GLI3: variants seen among roughly 807,000 people sequenced by gnomAD.
GLI3 encodes GLI family zinc finger 3, also known as transcription activator GLI3.
A neutral mutation model predicts 100.8 loss-of-function variants in GLI3; 20 were observed. That is an observed-to-expected ratio of 0.20 (90% confidence interval 0.14 to 0.29). The LOEUF is 0.29. Among genes scored for constraint, GLI3 ranks in the 10% least tolerant of loss-of-function variants. The pLI is 1.00. For missense variants in GLI3, 2,040 were observed against 2,128.5 expected, an observed-to-expected ratio of 0.96 and a Z score of 0.82; for synonymous variants, 938 against 860.5, an observed-to-expected ratio of 1.09 and a Z score of -1.58.
At chr7:42,124,915 T>C (rs957874959) in intron 3 of GLI3, among the ~76,000 whole-genome samples, 2 of 152,192 alleles carry the variant, frequency 1.3e-5, no homozygotes, top group East Asian at 1.9e-4. Flanking sequence ...GCTCAAAGAA[T>C]GTATTTTTAA....
chr7:42,246,181 T>C (rs1019016949), intron 1 of GLI3, among the ~76,000 whole-genome samples: 1 of 152,222 alleles, frequency 6.6e-6, no homozygotes, highest in Admixed American at 6.5e-5. Context: ...AAACACACGA[T>C]AACATGCTGC....
chr7:42,088,360 C>T (rs1476963070), intron 3 of GLI3, among the ~76,000 whole-genome samples: 3 of 152,236 alleles, frequency 2.0e-5, no homozygotes, highest in Non-Finnish European at 2.9e-5. Flanking sequence ...CTCCAAGCTC[C>T]ACTCTCTGAA....
At chr7:42,148,531 G>C in intron 2 of GLI3, 63 bp from the exon 3 acceptor site, 2 of 1,443,980 alleles carry the variant, frequency 1.4e-6, no homozygotes, top group South Asian at 1.1e-5. Flanking sequence ...AAAAAACCAT[G>C]ATCAATTAGG....
intron 4 of GLI3, among the ~76,000 whole-genome samples, chr7:42,063,666 A>T (rs80279171): frequency 2.4e-3 from 370 of 152,340 alleles, no homozygotes; most frequent in African/African-American, 8.3e-3. Flanking sequence ...TAGATGATTT[A>T]AATATGGGGA....
chr7:42,235,422 G>A (rs909645814), intron 1 of GLI3, among the ~76,000 whole-genome samples: 1 of 152,146 alleles, frequency 6.6e-6, no homozygotes, highest in Admixed American at 6.5e-5. Context: ...CAGACGGCCA[G>A]GGTGCAGGCC....
intron 2 of GLI3, among the ~76,000 whole-genome samples, chr7:42,162,239 C>A (rs1216252762): frequency 1.3e-5 from 2 of 152,120 alleles, no homozygotes; most frequent in African/African-American, 2.4e-5. Context: ...GAGGTTTGAA[C>A]AAGAATTGGT....
At chr7:42,030,962 G>A (rs1403141885) in intron 7 of GLI3, among the ~76,000 whole-genome samples, 7 of 151,792 alleles carry the variant, frequency 4.6e-5, no homozygotes, top group East Asian at 1.9e-4. Context: ...CAAGTGATCC[G>A]GCCGCCTCGG....
intron 4 of GLI3, among the ~76,000 whole-genome samples, chr7:42,061,343 C>G (rs1784565580): frequency 6.6e-6 from 1 of 152,098 alleles, no homozygotes. Context: ...ATATTAGTAT[C>G]ATCATCATCC....
intron 2 of GLI3, among the ~76,000 whole-genome samples, chr7:42,167,928 C>G (rs2128674704): frequency 6.6e-6 from 1 of 152,350 alleles, no homozygotes; most frequent in South Asian, 2.1e-4. Flanking sequence ...AAACTCAACT[C>G]ATGCATGCAC....
chr7:42,174,898 G>C lies in GLI3; in HGVS notation c.125-26430C>G, dbSNP rs912853430. On this transcript the variant is annotated intron_variant, in intron 2 of 14. Transcript: ENST00000395925. ...GTGGAAACAGCAGTGGGCTTGCCGG[G>C]AGGATTAAGTGAGGATGCGCAGGGG... Among the ~76,000 whole-genome samples, 4 of 152,190 alleles carry C rather than the reference G, an allele frequency of 2.6e-5. No individual in the cohort carries two copies. In the East Asian group the frequency reaches 7.7e-4, roughly 29 times the overall value.
chr7:42,148,525 A>C (rs1274197695), intron 2 of GLI3, 57 bp from the exon 3 acceptor site: 1 of 1,500,576 alleles, frequency 6.7e-7, no homozygotes, highest in East Asian at 2.3e-5. Context: ...GCAATTAAAA[A>C]ACCATGATCA....
chr7:42,139,167 T>G (rs1004883669), intron 3 of GLI3, among the ~76,000 whole-genome samples: 2 of 151,942 alleles, frequency 1.3e-5, no homozygotes, highest in Non-Finnish European at 2.9e-5. Context: ...AAAATAAAAC[T>G]CAATGCTTTT....
intron 2 of GLI3, among the ~76,000 whole-genome samples, chr7:42,155,277 T>A (rs930510474): frequency 4.0e-5 from 6 of 151,744 alleles, no homozygotes; most frequent in African/African-American, 1.5e-4. Flanking sequence ...CCATCTCTAC[T>A]AAAAAAACAA....
At chr7:42,140,562 T>A (rs1451437096) in intron 3 of GLI3, among the ~76,000 whole-genome samples, 1 of 152,156 alleles carries the variant, frequency 6.6e-6, no homozygotes, top group African/African-American at 2.4e-5. Context: ...GGAAGTTGGA[T>A]CCTTTTCAAA....
chr7:42,255,278 C>T (rs916266200), intron 1 of GLI3, among the ~76,000 whole-genome samples: 4 of 152,158 alleles, frequency 2.6e-5, no homozygotes, highest in African/African-American at 9.6e-5. Flanking sequence ...TCCTGTTACA[C>T]TCTCTCATAG....
At chr7:42,061,628 T>C (rs1409394880) in intron 4 of GLI3, among the ~76,000 whole-genome samples, 4 of 152,178 alleles carry the variant, frequency 2.6e-5, no homozygotes, top group East Asian at 1.9e-4. Flanking sequence ...GAAGTAGAGC[T>C]TGTAGGACTA....
chr7:42,147,317 T>C (rs562998559), intron 3 of GLI3, among the ~76,000 whole-genome samples: 15 of 152,302 alleles, frequency 9.8e-5, no homozygotes, highest in African/African-American at 3.4e-4. Context: ...CCTTTTGCCT[T>C]AAAACACTAA....
chr7:42,220,010 G>A (rs1268342463), intron 2 of GLI3, among the ~76,000 whole-genome samples: 1 of 151,886 alleles, frequency 6.6e-6, no homozygotes, highest in Non-Finnish European at 1.5e-5. Context: ...CCCGCCACAC[G>A]CCCAGCTAAT....
intron 10 of GLI3, among the ~76,000 whole-genome samples, chr7:41,983,375 C>T (rs963228780): frequency 6.6e-6 from 1 of 152,062 alleles, no homozygotes; most frequent in African/African-American, 2.4e-5. Flanking sequence ...GTATCATATT[C>T]CTAGGACTAA....
Sources: gnomAD v4.1 joint callset for allele counts (sites outside exome capture counted in the v4.1 genomes callset) on GRCh38, gnomAD v4.1.1 for gene constraint, MANE v1.5 for transcripts, NCBI Gene and HGNC (gene_info 2026-07-23, HGNC 2026-07-21) for gene names.